The following SLC4A4 variants were observed in gnomAD, a reference collection of about 807,000 sequenced individuals.
The protein encoded by SLC4A4 is electrogenic sodium bicarbonate cotransporter 1.
Under a neutral mutation model 111.5 loss-of-function variants are expected in SLC4A4, and 27 were observed. The observed-to-expected ratio is 0.24, with a 90% confidence interval of 0.18 to 0.33. The LOEUF (loss-of-function observed/expected upper bound fraction) is 0.33. Ranked by LOEUF, SLC4A4 falls within the 10% of genes least tolerant of loss-of-function variation. The pLI, the probability that SLC4A4 is intolerant of heterozygous loss-of-function variation, is 1.00. For missense variants in SLC4A4, 909 were observed against 1,315.5 expected (o/e 0.69, Z 4.78); for synonymous variants, 443 against 463.4 (o/e 0.96, Z 0.57).
chr4:71,456,832 T>C (rs1011471206), intron 12 of SLC4A4, among the ~76,000 whole-genome samples: 3 of 152,172 alleles, frequency 2.0e-5, no homozygotes, highest in African/African-American at 4.8e-5. Flanking sequence ...GTCCTCTGGC[T>C]TCACTTGCTT....
chr4:71,307,099 T>G (rs1402430643), intron 3 of SLC4A4, among the ~76,000 whole-genome samples: 2 of 152,206 alleles, frequency 1.3e-5, no homozygotes, highest in Non-Finnish European at 2.9e-5. Flanking sequence ...GTAAACTGTT[T>G]CAGTAAACAT....
At chr4:71,168,566 T>C (rs978864296) in intron 2 of SLC4A4, among the ~76,000 whole-genome samples, 17 of 152,118 alleles carry the variant, frequency 1.1e-4, no homozygotes, top group Admixed American at 7.2e-4. Flanking sequence ...ATTCTTTCTA[T>C]TTTTTTGTAC....
chr4:71,548,899 G>T (rs1008635209), intron 20 of SLC4A4, among the ~76,000 whole-genome samples: 5 of 151,508 alleles, frequency 3.3e-5, no homozygotes, highest in African/African-American at 1.2e-4. Flanking sequence ...TTGCCTTCAG[G>T]GTATTTAGAC....
intron 2 of SLC4A4, among the ~76,000 whole-genome samples, chr4:71,125,224 C>A (rs1395195547): frequency 6.6e-6 from 1 of 152,124 alleles, no homozygotes. Flanking sequence ...TATAAGAGAA[C>A]AACAAAAAGG....
intron 1 of SLC4A4, among the ~76,000 whole-genome samples, chr4:71,063,413 A>G (rs1741436536): frequency 6.6e-6 from 1 of 152,056 alleles, no homozygotes; most frequent in African/African-American, 2.4e-5. Flanking sequence ...AGCTTCCTTC[A>G]CTAACTTTTC....
intron 2 of SLC4A4, among the ~76,000 whole-genome samples, chr4:71,114,472 C>T (rs1360639119): frequency 2.0e-5 from 3 of 149,522 alleles, no homozygotes; most frequent in African/African-American, 5.0e-5. Context: ...CTACAATGAA[C>T]TCAAACAAAT....
intron 2 of SLC4A4, among the ~76,000 whole-genome samples, chr4:71,162,904 A>T (rs981804807): frequency 6.6e-6 from 1 of 152,170 alleles, no homozygotes; most frequent in Non-Finnish European, 1.5e-5. Context: ...TGTATATGCC[A>T]TGTTTGGGAA....
intron 2 of SLC4A4, among the ~76,000 whole-genome samples, chr4:71,163,224 C>T (rs547875281): frequency 6.6e-6 from 1 of 152,202 alleles, no homozygotes. Context: ...TTTTGTCATT[C>T]CAGTTTTATT....
At chr4:71,198,237 A>G (rs1032834001) in intron 1 of SLC4A4, among the ~76,000 whole-genome samples, 2 of 152,226 alleles carry the variant, frequency 1.3e-5, no homozygotes, top group African/African-American at 4.8e-5. Context: ...GAGACGTTTT[A>G]GAACAGATGT....
intron 1 of SLC4A4, among the ~76,000 whole-genome samples, chr4:71,063,539 A>G (rs1044622117): frequency 1.3e-5 from 2 of 151,858 alleles, no homozygotes; most frequent in African/African-American, 4.9e-5. Context: ...TATAATTACA[A>G]TAATTGTTTG....
intron 3 of SLC4A4, among the ~76,000 whole-genome samples, chr4:71,290,581 C>A (rs1560852366): frequency 6.6e-6 from 1 of 152,194 alleles, no homozygotes; most frequent in Non-Finnish European, 1.5e-5. Flanking sequence ...AGATACTCTG[C>A]ATGACAAGGG....
chr4:71,088,335 T>G (rs1272843090), intron 1 of SLC4A4, among the ~76,000 whole-genome samples: 1 of 151,860 alleles, frequency 6.6e-6, no homozygotes, highest in Non-Finnish European at 1.5e-5. Flanking sequence ...TATAGCACAC[T>G]GATGGGTCTT....
intron 18 of SLC4A4, among the ~76,000 whole-genome samples, chr4:71,540,536 T>C (rs1439032916): frequency 6.6e-6 from 1 of 152,150 alleles, no homozygotes; most frequent in Non-Finnish European, 1.5e-5. Context: ...TATTTAACCT[T>C]TTGAGCATTT....
rs12513110 is a variant in SLC4A4 at position 71,462,930 on chromosome 4, G to A, written c.1498-3514G>A. Among the ~76,000 whole-genome samples, 683 of 152,130 alleles carry A rather than the reference G, an allele frequency of 4.5e-3. 12 individuals carry two copies. The highest frequency in any genetic ancestry group is 0.039 in the East Asian group (202 of 5,164). On this transcript the variant is annotated intron_variant, in intron 12 of 25. Transcript: ENST00000264485. ...CTGGGATTGTCTAACTCCAGAGTCC[G>A]GTGCTCCACTACAGTGTCTCAATTT...
intron 14 of SLC4A4, among the ~76,000 whole-genome samples, chr4:71,474,338 C>T (rs929591474): frequency 1.3e-5 from 2 of 151,842 alleles, no homozygotes; most frequent in Admixed American, 6.6e-5. Context: ...ATGCAATATC[C>T]ACTGCGACTT....
intron 6 of SLC4A4, among the ~76,000 whole-genome samples, chr4:71,369,587 T>C (rs1417957249): frequency 2.0e-5 from 3 of 152,142 alleles, no homozygotes; most frequent in African/African-American, 7.2e-5. Context: ...AAGTTAATAA[T>C]GTTAAATACC....
At chr4:71,107,110 T>G (rs1429623370) in intron 2 of SLC4A4, among the ~76,000 whole-genome samples, 1 of 152,108 alleles carries the variant, frequency 6.6e-6, no homozygotes, top group Non-Finnish European at 1.5e-5. Context: ...TCCTTGGATC[T>G]AAAGTGAGAT....
At chr4:71,300,262 G>A (rs1560390370) in intron 3 of SLC4A4, 7 of 208,342 alleles carry the variant, frequency 3.4e-5, no homozygotes, top group Admixed American at 2.2e-4. Flanking sequence ...AGGGACTAGC[G>A]TCTGCCATAG....
intron 1 of SLC4A4, among the ~76,000 whole-genome samples, chr4:71,234,286 A>T (rs1254954206): frequency 6.6e-6 from 1 of 152,230 alleles, no homozygotes; most frequent in African/African-American, 2.4e-5. Context: ...TGATTCACAG[A>T]TATATTTCCC....
Sources: gnomAD v4.1 joint callset for allele counts (sites outside exome capture counted in the v4.1 genomes callset) on GRCh38, gnomAD v4.1.1 for gene constraint, MANE v1.5 for transcripts, NCBI Gene and HGNC (gene_info 2026-07-23, HGNC 2026-07-21) for gene names.